The following ACOXL variants were observed in gnomAD, a reference collection of about 807,000 sequenced individuals.
ACOXL encodes acyl-coenzyme A oxidase-like protein.
ACOXL carries 70 observed loss-of-function variants against 71.9 expected under a neutral mutation model. The ratio of observed to expected loss-of-function variants is 0.97; its 90% CI spans 0.80 to 1.19. The LOEUF is 1.19. Among genes scored for constraint, ACOXL ranks in the 50% most tolerant of loss-of-function variants. The probability of loss-of-function intolerance (pLI) is 0.00; values close to 1 mark genes in which losing one functional copy is unlikely to be tolerated. For synonymous variants in ACOXL, 253 were observed against 281.6 expected, an observed-to-expected ratio of 0.90 and a Z score of 1.02; for missense variants, 703 against 736.3, an observed-to-expected ratio of 0.95 and a Z score of 0.52.
At chr2:111,112,037 G>A (rs570238316) in intron 17 of ACOXL, among the ~76,000 whole-genome samples, 1 of 152,136 alleles carries the variant, frequency 6.6e-6, no homozygotes, top group Non-Finnish European at 1.5e-5. Flanking sequence ...TTTAGTGAGG[G>A]TAAACAAAAG....
intron 9 of ACOXL, among the ~76,000 whole-genome samples, chr2:110,840,067 G>T (rs1690964171): frequency 6.6e-6 from 1 of 152,096 alleles, no homozygotes; most frequent in Non-Finnish European, 1.5e-5. Context: ...TCAGCTCACT[G>T]CAAGCTCCAC....
At chr2:110,802,252 G>T (rs996474237) in intron 8 of ACOXL, among the ~76,000 whole-genome samples, 1 of 151,956 alleles carries the variant, frequency 6.6e-6, no homozygotes, top group Non-Finnish European at 1.5e-5. Flanking sequence ...GGGTGCTATT[G>T]CTTCCTTTGT....
At chr2:110,738,423 G>A (rs1677133785) in intron 1 of ACOXL, among the ~76,000 whole-genome samples, 1 of 152,158 alleles carries the variant, frequency 6.6e-6, no homozygotes, top group Admixed American at 6.5e-5. Context: ...GATTTTTAAA[G>A]ATTTTCATGT....
chr2:110,938,515 A>G (rs1262634605), intron 12 of ACOXL, among the ~76,000 whole-genome samples: 1 of 152,228 alleles, frequency 6.6e-6, no homozygotes, highest in Non-Finnish European at 1.5e-5. Context: ...TTTACAAATG[A>G]GTAAACTGAG....
Position 110,884,322 on chromosome 2 carries a change from T to C in ACOXL, c.789-24467T>C, listed in dbSNP as rs970336793. Among the ~76,000 whole-genome samples, 5 of 152,222 alleles carry C rather than the reference T, an allele frequency of 3.3e-5. 1 individual carries two copies. The highest frequency in any genetic ancestry group is 1.3e-4 in the Admixed American group (2 of 15,282). On this transcript the variant is annotated intron_variant, in intron 10 of 17. Coordinates refer to ENST00000439055, the MANE Select transcript of ACOXL (RefSeq NM_001142807.4). ...TGAGTTCGTACTCCTCGTTAAAGAA[T>C]GTTTCCTTTTTCCTGGTACAGGGAG...
At chr2:110,900,205 G>A (rs1055141921) in intron 10 of ACOXL, among the ~76,000 whole-genome samples, 3 of 141,114 alleles carry the variant, frequency 2.1e-5, no homozygotes, top group Non-Finnish European at 3.2e-5. Context: ...ATTTAAGGTC[G>A]AGTAGAAGAG....
chr2:110,879,407 T>C (rs1031909655), intron 10 of ACOXL, among the ~76,000 whole-genome samples: 1 of 152,190 alleles, frequency 6.6e-6, no homozygotes, highest in African/African-American at 2.4e-5. Context: ...GGATTTCTAC[T>C]TAAGGAAATC....
At chr2:110,808,098 C>T (rs1316512101) in intron 9 of ACOXL, among the ~76,000 whole-genome samples, 1 of 151,896 alleles carries the variant, frequency 6.6e-6, no homozygotes, top group Non-Finnish European at 1.5e-5. Context: ...ACCAAGAACA[C>T]GAGGAGAAGG....
At chr2:110,784,844 T>G in intron 3 of ACOXL, 29 bp downstream of exon 3, 1 of 1,577,390 alleles carries the variant, frequency 6.3e-7, no homozygotes, top group South Asian at 1.2e-5. Context: ...CTGCCCTTCA[T>G]GAATGCATGC....
intron 10 of ACOXL, among the ~76,000 whole-genome samples, chr2:110,858,655 G>A (rs1443219713): frequency 1.3e-5 from 2 of 152,338 alleles, no homozygotes; most frequent in Middle Eastern, 3.4e-3. Flanking sequence ...CCAGAACAGA[G>A]AGTCAGATGT....
chr2:111,028,912 C>T (rs1391874144), intron 14 of ACOXL, among the ~76,000 whole-genome samples: 2 of 152,192 alleles, frequency 1.3e-5, no homozygotes, highest in Non-Finnish European at 2.9e-5. Context: ...AACTAACTCA[C>T]TCTCAGTCCA....
intron 16 of ACOXL, among the ~76,000 whole-genome samples, chr2:111,060,350 G>A (rs558610763): frequency 5.4e-4 from 82 of 152,284 alleles, no homozygotes; most frequent in African/African-American, 1.5e-3. Context: ...CCCTGGTAGC[G>A]TCAGTGGAGA....
intron 17 of ACOXL, among the ~76,000 whole-genome samples, chr2:111,109,594 TTTCA>T (rs1483089457): frequency 6.6e-6 from 1 of 152,074 alleles, no homozygotes; most frequent in East Asian, 1.9e-4. Context: ...AGAATTTTCC[TTTCA>T]TTCTTTCTTA....
At chr2:110,919,426 A>G (rs2059986115) in intron 11 of ACOXL, among the ~76,000 whole-genome samples, 1 of 150,102 alleles carries the variant, frequency 6.7e-6, no homozygotes, top group Non-Finnish European at 1.5e-5. Flanking sequence ...GGGCAAGGGG[A>G]GGGATAGCAT....
intron 9 of ACOXL, among the ~76,000 whole-genome samples, chr2:110,809,591 A>G (rs954060529): frequency 1.3e-5 from 2 of 152,110 alleles, no homozygotes; most frequent in Admixed American, 6.5e-5. Flanking sequence ...TAGACACACA[A>G]TCTTTTCCTA....
In ACOXL at chr2:111,092,985, A is replaced by G. The variant is rs1241795759; in HGVS notation, c.1542+19A>G. On this transcript the variant is annotated intron_variant, in intron 17 of 17. Coordinates refer to ENST00000439055, the MANE Select transcript of ACOXL (RefSeq NM_001142807.4). ...GAATCAGGTAAGGTCCCTGGGGTAC[A>G]GAAAAACACTTTGTACATCAGCCCT... 6.3e-7 allele frequency: 1 copy of G among 1,596,184 alleles called. No individual in the cohort carries two copies. Among genetic ancestry groups the G allele is most frequent in the Non-Finnish European group, 8.6e-7 (1 of 1,164,520 alleles).
chr2:111,075,724 T>C (rs190354934), intron 16 of ACOXL, among the ~76,000 whole-genome samples: 147 of 152,204 alleles, frequency 9.7e-4, no homozygotes, highest in African/African-American at 3.4e-3. Flanking sequence ...TGCCTCTGAG[T>C]ACTACTTTTC....
At chr2:110,984,769 C>T (rs760458315) in intron 12 of ACOXL, among the ~76,000 whole-genome samples, 19 of 152,116 alleles carry the variant, frequency 1.2e-4, no homozygotes, top group South Asian at 4.1e-4. Flanking sequence ...AGGAATTGGA[C>T]GTATTGGATG....
At chr2:110,801,619 G>C (rs1357393556) in intron 7 of ACOXL, 33 bp from the exon 8 acceptor site, 2 of 1,579,224 alleles carry the variant, frequency 1.3e-6, no homozygotes, top group Non-Finnish European at 8.7e-7. Flanking sequence ...TACTTCTGAT[G>C]CTGCATCCAT....
Sources: gnomAD v4.1 joint callset for allele counts (sites outside exome capture counted in the v4.1 genomes callset) on GRCh38, gnomAD v4.1.1 for gene constraint, MANE v1.5 for transcripts, NCBI Gene and HGNC (gene_info 2026-07-23, HGNC 2026-07-21) for gene names.